RNF216: variants seen among roughly 807,000 people sequenced by gnomAD.
The protein encoded by RNF216 is E3 ubiquitin-protein ligase RNF216.
A neutral mutation model predicts 110.8 loss-of-function variants in RNF216; 72 were observed. That is an observed-to-expected ratio of 0.65 (90% CI 0.54 to 0.79). RNF216 has a LOEUF of 0.79. Among genes scored for constraint, RNF216 ranks in the 30% least tolerant of loss-of-function variants. The pLI is 0.00. For synonymous variants in RNF216, 495 were observed against 407.5 expected (o/e 1.21, Z -2.59); for missense variants, 1,342 against 1,141.2 (o/e 1.18, Z -2.54).
At chr7:5,762,092 T>C (rs1048923369) in intron 1 of RNF216, among the ~76,000 whole-genome samples, 26 of 152,242 alleles carry the variant, frequency 1.7e-4, no homozygotes, top group Non-Finnish European at 1.5e-4. Flanking sequence ...AATGACCTTA[T>C]TGGACATCAG....
chr7:5,683,447 T>G (rs1245543379), intron 13 of RNF216, among the ~76,000 whole-genome samples: 3 of 152,196 alleles, frequency 2.0e-5, no homozygotes, highest in Non-Finnish European at 2.9e-5. Context: ...GCTGCCAGAC[T>G]GCTCACCACA....
chr7:5,732,245 C>G (rs1035480900), intron 5 of RNF216, among the ~76,000 whole-genome samples: 3 of 152,166 alleles, frequency 2.0e-5, no homozygotes, highest in Non-Finnish European at 4.4e-5. Flanking sequence ...GAAGGCTGAC[C>G]TGAGAATTAG....
chr7:5,685,721 A>G (rs1451873926), intron 13 of RNF216, among the ~76,000 whole-genome samples: 1 of 152,234 alleles, frequency 6.6e-6, no homozygotes, highest in Non-Finnish European at 1.5e-5. Context: ...GCAAGTCACC[A>G]GCACTGCAGA....
intron 12 of RNF216, among the ~76,000 whole-genome samples, chr7:5,712,230 A>C (rs1191165449): frequency 6.6e-6 from 1 of 152,216 alleles, no homozygotes; most frequent in East Asian, 1.9e-4. Flanking sequence ...CTGTAGTCCC[A>C]GCACTTTGGG....
chr7:5,665,417 T>C (rs1446076652), intron 13 of RNF216, among the ~76,000 whole-genome samples: 4 of 152,184 alleles, frequency 2.6e-5, no homozygotes, highest in African/African-American at 9.7e-5. Flanking sequence ...TCACCTACCA[T>C]TTCTATGTAC....
chr7:5,671,420 G>A (rs991380616), intron 13 of RNF216, among the ~76,000 whole-genome samples: 3 of 152,226 alleles, frequency 2.0e-5, no homozygotes, highest in African/African-American at 7.2e-5. Context: ...CTTGGACAAT[G>A]ACTGTATTTG....
intron 13 of RNF216, among the ~76,000 whole-genome samples, chr7:5,655,910 G>A (rs1017923221): frequency 6.6e-6 from 1 of 152,120 alleles, no homozygotes; most frequent in Non-Finnish European, 1.5e-5. Flanking sequence ...TGGCTGGAGT[G>A]CTGTAGTGTG....
intron 5 of RNF216, among the ~76,000 whole-genome samples, chr7:5,733,344 T>C (rs1453570801): frequency 6.6e-6 from 1 of 152,166 alleles, no homozygotes; most frequent in African/African-American, 2.4e-5. Flanking sequence ...AGCAAGTCCC[T>C]AAAAATAAGT....
intron 13 of RNF216, among the ~76,000 whole-genome samples, chr7:5,706,181 C>G (rs1792276367): frequency 6.9e-6 from 1 of 144,850 alleles, no homozygotes; most frequent in African/African-American, 2.6e-5. Context: ...GATTGCACCA[C>G]TGCACTCCAG....
At position 5,647,889 on chromosome 7, in the gene RNF216, C is replaced by A. The variant is rs185563104; in HGVS notation, c.2159+4524G>T. On this transcript the variant is annotated intron_variant, in intron 14 of 16. Coordinates refer to ENST00000389902, the MANE Select transcript of RNF216 (RefSeq NM_207111.4). ...ACTGTAATGGCCTTCTAAATTTTCT[C>A]CTTTATTCAAGTCTTGCTTTCTTTA... Among the ~76,000 whole-genome samples, 6 of 152,230 alleles carry A rather than the reference C, an allele frequency of 3.9e-5. No individual in the cohort carries two copies. In the East Asian group the frequency reaches 1.2e-3, roughly 29 times the overall value.
intron 13 of RNF216, among the ~76,000 whole-genome samples, chr7:5,669,009 GT>G (rs2128592996): frequency 6.6e-6 from 1 of 152,350 alleles, no homozygotes; most frequent in African/African-American, 2.4e-5. Context: ...AGGAGCATAA[GT>G]GATTTTTAGT....
intron 3 of RNF216, among the ~76,000 whole-genome samples, chr7:5,744,386 T>G (rs1349883861): frequency 6.6e-6 from 1 of 151,760 alleles, no homozygotes; most frequent in African/African-American, 2.4e-5. Context: ...AACAAAAAGG[T>G]CTTCAAAACA....
At chr7:5,645,382 C>T (rs921471445) in intron 14 of RNF216, among the ~76,000 whole-genome samples, 8 of 152,160 alleles carry the variant, frequency 5.3e-5, no homozygotes, top group African/African-American at 1.7e-4. Flanking sequence ...ATTGGTACAT[C>T]AGATGATGTT....
intron 13 of RNF216, among the ~76,000 whole-genome samples, chr7:5,681,253 C>G (rs1790633183): frequency 6.6e-6 from 1 of 152,168 alleles, no homozygotes; most frequent in African/African-American, 2.4e-5. Context: ...CTCCCTACCT[C>G]AGGAAATCCA....
Position 5,739,281 on chromosome 7 carries a change from C to A in RNF216, c.1116G>T (p.Leu372=). The change falls in exon 5 of 17, where the codon CTG becomes CTT. Residue 372 remains leucine, a synonymous_variant. Coordinates refer to ENST00000389902, the MANE Select transcript of RNF216 (RefSeq NM_207111.4). ...EIIHFKNYYD[L]NVLCNFLLEN... ...AAGCATGGTAGTATACTTACACATT[C>A]AGATCATAATAATTCTTAAAATGAA... is the stretch of plus-strand genomic sequence containing the variant. 6.3e-7 allele frequency: 1 copy of A among 1,588,072 alleles called. No individual in the cohort carries two copies. The highest frequency in any genetic ancestry group is 8.5e-7 in the Non-Finnish European group (1 of 1,171,912).
At chr7:5,735,524 G>T (rs1196346391) in intron 5 of RNF216, among the ~76,000 whole-genome samples, 1 of 152,126 alleles carries the variant, frequency 6.6e-6, no homozygotes, top group Non-Finnish European at 1.5e-5. Context: ...TTTCATAACT[G>T]AAAACCAGTA....
At chr7:5,648,643 G>T (rs1402423023) in intron 14 of RNF216, among the ~76,000 whole-genome samples, 1 of 151,514 alleles carries the variant, frequency 6.6e-6, no homozygotes, top group Non-Finnish European at 1.5e-5. Context: ...CAGGAGAACG[G>T]TGTGAACCTG....
Position 5,634,992 on chromosome 7 carries a change from G to A in RNF216, c.2382+6162C>T, listed in dbSNP as rs544384723. On this transcript the variant is annotated intron_variant, in intron 15 of 16. Transcript: ENST00000389902. ...CTGCAAGGGCTACCTGGTTCATGGG[G>A]CTCAGGGACCCTATGGGCACCTAAC... Among the ~76,000 whole-genome samples the A allele has an allele frequency of 7.2e-5, 11 of 152,324 alleles. No homozygotes were observed. The South Asian group carries it at 2.3e-3, about 32-fold the overall frequency.
chr7:5,694,721 C>A (rs1368618121), intron 13 of RNF216, among the ~76,000 whole-genome samples: 1 of 152,212 alleles, frequency 6.6e-6, no homozygotes, highest in Admixed American at 6.5e-5. Flanking sequence ...ATGGAAAGTA[C>A]ATTCTCTGTA....
Sources: gnomAD v4.1 joint callset for allele counts (sites outside exome capture counted in the v4.1 genomes callset) on GRCh38, gnomAD v4.1.1 for gene constraint, MANE v1.5 for transcripts, NCBI Gene and HGNC (gene_info 2026-07-23, HGNC 2026-07-21) for gene names.